The following ARHGEF9 variants were observed in gnomAD, a reference collection of about 807,000 sequenced individuals.
The protein encoded by ARHGEF9 is rho guanine nucleotide exchange factor 9.
ARHGEF9 carries 2 observed loss-of-function variants against 41.3 expected under a neutral mutation model. That is an observed-to-expected ratio of 0.05 (90% CI 0.02 to 0.15). The LOEUF is 0.15. Ranked by LOEUF, ARHGEF9 falls within the 10% of genes least tolerant of loss-of-function variation. ARHGEF9 has a pLI of 1.00. For missense variants in ARHGEF9, 225 were observed against 424.7 expected (o/e 0.53, Z 4.13); for synonymous variants, 160 against 154.4 (o/e 1.04, Z -0.27).
At chrX:63,740,964 G>A in intron 1 of ARHGEF9, among the ~76,000 whole-genome samples, 1 of 112,411 alleles carries the variant, frequency 8.9e-6, no homozygotes, top group South Asian at 3.7e-4. Context: ...ACCCAGGAGA[G>A]GATGGGCCAC....
intron 7 of ARHGEF9, among the ~76,000 whole-genome samples, chrX:63,659,472 G>A: frequency 8.9e-6 from 1 of 112,053 alleles, no homozygotes; most frequent in East Asian, 2.8e-4. Flanking sequence ...CATTAAGGGA[G>A]CTAGTTCCTC....
At position 63,728,146 on chromosome X, in the gene ARHGEF9, G is replaced by A. The variant is rs782687614; in HGVS notation, c.31-3435C>T. Reference sequence around the variant, plus strand: ...TCTCTCCTCACAAACACAAGCCGGAGCAAAGGGATGTTCCTCCCTCATCTT... The same window carrying A: ...TCTCTCCTCACAAACACAAGCCGGAACAAAGGGATGTTCCTCCCTCATCTT... On this transcript the variant is annotated intron_variant, in intron 1 of 9. Transcript: ENST00000671741. Among the ~76,000 whole-genome samples the A allele has an allele frequency of 2.7e-5, 3 of 112,411 alleles. No individual in the cohort carries two copies. The South Asian group carries it at 1.1e-3, about 41-fold the overall frequency.
rs1333258339 is a variant in ARHGEF9 at position 63,686,404 on chromosome X, A to G, written c.583-7832T>C. Among the ~76,000 whole-genome samples, 4 of 111,453 alleles carry G rather than the reference A, an allele frequency of 3.6e-5. No individual in the cohort carries two copies. In the Admixed American group the frequency reaches 3.8e-4, roughly 11 times the overall value. On this transcript the variant is annotated intron_variant, in intron 4 of 9. Coordinates refer to ENST00000671741, the MANE Select transcript of ARHGEF9 (RefSeq NM_001353921.2). ...GAGAACATGAAGATAAGTGGGTTAA[A>G]GGGTACAAACATAAGATAGAAGGAA...
At chrX:63,651,292 G>C (rs2048524628) in intron 8 of ARHGEF9, among the ~76,000 whole-genome samples, 1 of 111,237 alleles carries the variant, frequency 9.0e-6, no homozygotes, top group East Asian at 2.8e-4. Context: ...TGATAAGAGT[G>C]AATAAGAATT....
Position 63,637,874 on chromosome X carries a change from G to C in ARHGEF9, c.*154C>G, listed in dbSNP as rs1160532540. ...TGTGTGTGTGTGTGTGTGTGTGTGT[G>C]TGTGTGTCTGTGTGTGTGTGTGTGT... On this transcript the variant is annotated 3_prime_UTR_variant, in exon 10 of 10. Transcript: ENST00000671741. The C allele has an allele frequency of 9.7e-6, 4 of 412,404 alleles. No homozygotes were observed. In the East Asian group the frequency reaches 1.2e-4, roughly 12 times the overall value. 34.0% of individuals were successfully genotyped at this position (412,404 alleles called of 1,213,427 possible).
intron 7 of ARHGEF9, among the ~76,000 whole-genome samples, chrX:63,663,735 C>G (rs1447019246): frequency 8.9e-6 from 1 of 112,028 alleles, no homozygotes; most frequent in African/African-American, 3.2e-5. Context: ...ACCCAGCAGA[C>G]AAAATACCTT....
intron 8 of ARHGEF9, among the ~76,000 whole-genome samples, chrX:63,647,466 T>C (rs782788334): frequency 8.9e-6 from 1 of 111,999 alleles, no homozygotes; most frequent in East Asian, 2.8e-4. Context: ...GTCAAAGGCC[T>C]TTTCTGCATC....
chrX:63,645,593 G>T (rs1415482421), intron 8 of ARHGEF9, among the ~76,000 whole-genome samples: 1 of 112,188 alleles, frequency 8.9e-6, no homozygotes, highest in Non-Finnish European at 1.9e-5. Context: ...ATTCCATGGT[G>T]CATATGTGCC....
chrX:63,704,887 A>G lies in ARHGEF9; in HGVS notation c.402+1371T>C, dbSNP rs2052425657. Among the ~76,000 whole-genome samples the G allele has an allele frequency of 3.6e-5, 4 of 112,182 alleles. No individual in the cohort carries two copies. The South Asian group carries it at 1.5e-3, about 42-fold the overall frequency. ...GCAGGGAGTGGGGCAGTGGGAAAAGATAACTTTTAATCTTCCTGAAAGGGG... is the reference window on the plus strand; with the variant it reads ...GCAGGGAGTGGGGCAGTGGGAAAAGGTAACTTTTAATCTTCCTGAAAGGGG... On this transcript the variant is annotated intron_variant, in intron 3 of 9. Transcript: ENST00000671741.
chrX:63,665,858 C>T (rs1186437878), intron 7 of ARHGEF9, 28 bp downstream of exon 7: 3 of 1,204,697 alleles, frequency 2.5e-6, no homozygotes, highest in African/African-American at 3.5e-5. Context: ...GTACCCATCT[C>T]CCTCAGGGAA....
intron 1 of ARHGEF9, among the ~76,000 whole-genome samples, chrX:63,780,733 T>C (rs1556461582): frequency 8.9e-6 from 1 of 112,015 alleles, no homozygotes; most frequent in Non-Finnish European, 1.9e-5. Context: ...TTATTTATCC[T>C]TTAATCGACA....
At chrX:63,734,371 T>C (rs1311883966) in intron 1 of ARHGEF9, among the ~76,000 whole-genome samples, 2 of 111,941 alleles carry the variant, frequency 1.8e-5, no homozygotes, top group Non-Finnish European at 3.8e-5. Flanking sequence ...ACAGGAGTAA[T>C]TGTCAAGTTA....
Position 63,638,157 on chromosome X carries a change from C to A in ARHGEF9, c.1443G>T (p.Pro481=). Residue 481 remains proline, a synonymous_variant, in exon 10 of 10, where the codon CCG becomes CCT. Coordinates refer to ENST00000671741, the MANE Select transcript of ARHGEF9 (RefSeq NM_001353921.2). ...VPPSYPPPQD[P]LNHGQYLVPD... ...GGACCAGGTACTGGCCGTGGTTTAA[C>A]GGGTCCTGCGGTGGTGGGTAGGAAG... is the stretch of plus-strand genomic sequence containing the variant. 8.3e-7 allele frequency: 1 copy of A among 1,199,192 alleles called. No individual in the cohort carries two copies. Among genetic ancestry groups the A allele is most frequent in the South Asian group, 1.8e-5 (1 of 54,969 alleles).
intron 1 of ARHGEF9, among the ~76,000 whole-genome samples, chrX:63,780,718 C>A (rs1186641058): frequency 1.2e-4 from 13 of 111,882 alleles, no homozygotes; most frequent in Non-Finnish European, 2.4e-4. Flanking sequence ...GAAATTAGCA[C>A]CTTTTTATTT....
intron 1 of ARHGEF9, among the ~76,000 whole-genome samples, chrX:63,779,459 T>C (rs1357727817): frequency 9.0e-6 from 1 of 111,429 alleles, no homozygotes; most frequent in Non-Finnish European, 1.9e-5. Flanking sequence ...ATCAGATCTT[T>C]TGAGAACTCA....
At chrX:63,740,564 GACAC>G (rs1441343863) in intron 1 of ARHGEF9, among the ~76,000 whole-genome samples, 4 of 112,359 alleles carry the variant, frequency 3.6e-5, no homozygotes, top group Non-Finnish European at 7.5e-5. Context: ...ACGTGACTGA[GACAC>G]ACTGTAAGAG....
At chrX:63,669,206 T>C (rs193262833) in intron 6 of ARHGEF9, among the ~76,000 whole-genome samples, 1 of 111,689 alleles carries the variant, frequency 9.0e-6, no homozygotes, top group Admixed American at 9.5e-5. Context: ...TCCACTTATA[T>C]AACACATCTC....
chrX:63,670,728 A>G (rs1210264693), intron 6 of ARHGEF9, among the ~76,000 whole-genome samples: 1 of 111,549 alleles, frequency 9.0e-6, no homozygotes, highest in Non-Finnish European at 1.9e-5. Context: ...GCTCCCGCAT[A>G]CTGCTCTAAT....
At position 63,766,833 on chromosome X, in the gene ARHGEF9, C is replaced by G. The variant is rs112464594; in HGVS notation, c.30+18283G>C. On this transcript the variant is annotated intron_variant, in intron 1 of 9. Coordinates refer to ENST00000671741, the MANE Select transcript of ARHGEF9 (RefSeq NM_001353921.2). The stretch of plus-strand genomic sequence containing the variant: ...TGAGCCATCCAAGACCCCTGATCAC[C>G]AACCCTAGTCCCCCACGCGGCCCCT... 1.3e-3 allele frequency: 365 copies of G among 287,189 alleles called. 1 individual carries two copies. The highest frequency in any genetic ancestry group is 9.1e-3 in the African/African-American group (324 of 35,713). 23.7% of individuals were successfully genotyped at this position (287,189 alleles called of 1,213,427 possible). A position where few individuals can be genotyped will look rare whatever the true frequency, so the allele number is the denominator to read the frequency against.
Sources: gnomAD v4.1 joint callset for allele counts (sites outside exome capture counted in the v4.1 genomes callset) on GRCh38, gnomAD v4.1.1 for gene constraint, MANE v1.5 for transcripts, NCBI Gene and HGNC (gene_info 2026-07-23, HGNC 2026-07-21) for gene names.